The following PLD5 variants were observed in gnomAD, a reference collection of about 807,000 sequenced individuals.
The protein encoded by PLD5 is inactive phospholipase D5.
Under a neutral mutation model 61.1 loss-of-function variants are expected in PLD5, and 36 were observed. That is an observed-to-expected ratio of 0.59 (90% CI 0.45 to 0.78). The LOEUF (loss-of-function observed/expected upper bound fraction) is 0.78. Among genes scored for constraint, PLD5 ranks in the 30% least tolerant of loss-of-function variants. The pLI is 0.00. For synonymous variants in PLD5, 243 were observed against 242.8 expected, an observed-to-expected ratio of 1.00 and a Z score of -0.01; for missense variants, 515 against 644.4, an observed-to-expected ratio of 0.80 and a Z score of 2.17.
intron 5 of PLD5, among the ~76,000 whole-genome samples, chr1:242,145,202 G>C (rs778344301): frequency 7.9e-5 from 12 of 152,168 alleles, no homozygotes; most frequent in Non-Finnish European, 1.6e-4. Context: ...GTGGGTTGGT[G>C]ACTCTGATCT....
At chr1:242,186,169 T>G (rs200789094) in intron 5 of PLD5, among the ~76,000 whole-genome samples, 7 of 5,584 alleles carry the variant, frequency 1.3e-3, no homozygotes, top group Admixed American at 7.5e-3. Context: ...TGAAGAGAGA[T>G]ATATATATAT....
intron 1 of PLD5, among the ~76,000 whole-genome samples, chr1:242,407,700 T>C (rs1234062603): frequency 6.6e-6 from 1 of 151,888 alleles, no homozygotes; most frequent in Non-Finnish European, 1.5e-5. Flanking sequence ...CTGCTCAGCC[T>C]CCTGAGTAGC....
chr1:242,380,898 A>G (rs2149255276), intron 1 of PLD5, among the ~76,000 whole-genome samples: 1 of 152,322 alleles, frequency 6.6e-6, no homozygotes, highest in East Asian at 1.9e-4. Context: ...TCAAGAAACA[A>G]CAGATGCTGG....
intron 5 of PLD5, chr1:242,178,235 C>T (rs1160971634): frequency 1.3e-5 from 2 of 152,112 alleles, no homozygotes; most frequent in African/African-American, 4.8e-5. Context: ...CATTATAAAC[C>T]TTTAGCTATT....
At chr1:242,436,180 T>C (rs7534211) in intron 1 of PLD5, among the ~76,000 whole-genome samples, 44,835 of 152,110 alleles carry the variant, frequency 0.29, 8,915 homozygotes, top group African/African-American at 0.57. Context: ...GACACTCAAA[T>C]GCATATTAAA....
intron 1 of PLD5, among the ~76,000 whole-genome samples, chr1:242,522,743 G>T (rs751579583): frequency 1.3e-5 from 2 of 152,174 alleles, no homozygotes; most frequent in Non-Finnish European, 2.9e-5. Context: ...TCTGGAGAGG[G>T]CATGTTTAAT....
At chr1:242,152,367 T>C (rs542298434) in intron 5 of PLD5, among the ~76,000 whole-genome samples, 1 of 152,130 alleles carries the variant, frequency 6.6e-6, no homozygotes. Flanking sequence ...ATTTTTTTTC[T>C]TATTACACTT....
chr1:242,500,232 A>AT (rs1487752669), intron 1 of PLD5, among the ~76,000 whole-genome samples: 1 of 152,242 alleles, frequency 6.6e-6, no homozygotes, highest in Non-Finnish European at 1.5e-5. Flanking sequence ...TGCTAAAAAA[A>AT]CAAACTCATG....
intron 1 of PLD5, chr1:242,377,029 T>C (rs1195171424): frequency 6.2e-7 from 1 of 1,611,696 alleles, no homozygotes; most frequent in East Asian, 2.2e-5. Flanking sequence ...GCGCACACTT[T>C]GCACTTTCTG....
intron 1 of PLD5, among the ~76,000 whole-genome samples, chr1:242,384,835 T>C (rs1304543982): frequency 6.6e-6 from 1 of 152,202 alleles, no homozygotes; most frequent in Non-Finnish European, 1.5e-5. Context: ...TCTGGAAATC[T>C]ACCTTGAAGA....
At chr1:242,111,117 C>T (rs1367064691) in intron 7 of PLD5, among the ~76,000 whole-genome samples, 2 of 150,298 alleles carry the variant, frequency 1.3e-5, no homozygotes, top group Admixed American at 6.6e-5. Context: ...CGTGCAATGG[C>T]GTGATCTTGG....
In PLD5 at chr1:242,265,370, C is replaced by A. The variant is rs888827964; in HGVS notation, c.574G>T (p.Asp192Tyr). ...TTCAAGGCTTCTAATACCTTTGAATCAGCTGTTACATCACTCACTAGCTTG... is the reference window on the plus strand; with the variant it reads ...TTCAAGGCTTCTAATACCTTTGAATAAGCTGTTACATCACTCACTAGCTTG... ...EIKLVSDVTA[D>Y]SKVLEALKLK... The change falls in exon 4 of 10, where the codon GAT becomes TAT. Residue 192 changes from aspartate to tyrosine, a missense_variant. By Grantham distance (160) the Asp-to-Tyr change is radical. This residue lies in a region of PLD5 where 450 missense variants were observed against 598.1 expected (regional missense o/e 0.75). Transcript: ENST00000536534. The A allele has an allele frequency of 6.2e-7, 1 of 1,612,050 alleles. No individual in the cohort carries two copies. Among genetic ancestry groups the A allele is most frequent in the Non-Finnish European group, 8.5e-7 (1 of 1,179,518 alleles).
intron 1 of PLD5, among the ~76,000 whole-genome samples, chr1:242,469,532 A>G (rs973313726): frequency 3.3e-5 from 5 of 152,064 alleles, no homozygotes; most frequent in African/African-American, 9.7e-5. Context: ...TTTGTTTTCG[A>G]TAGGGTCTTG....
chr1:242,395,850 C>T (rs560714206), intron 1 of PLD5, among the ~76,000 whole-genome samples: 1 of 152,276 alleles, frequency 6.6e-6, no homozygotes, highest in South Asian at 2.1e-4. Flanking sequence ...GAGTTCAAGA[C>T]CAGCTTGGCC....
intron 5 of PLD5, among the ~76,000 whole-genome samples, chr1:242,158,226 T>C (rs974458333): frequency 6.6e-6 from 1 of 152,156 alleles, no homozygotes; most frequent in Non-Finnish European, 1.5e-5. Context: ...TTCAAGGCAT[T>C]AGATCTTAGT....
intron 1 of PLD5, among the ~76,000 whole-genome samples, chr1:242,405,522 T>A (rs1291317553): frequency 3.3e-5 from 5 of 152,144 alleles, no homozygotes; most frequent in Non-Finnish European, 7.4e-5. Flanking sequence ...GCTCACTCTC[T>A]GCTATTTCAT....
intron 5 of PLD5, among the ~76,000 whole-genome samples, chr1:242,148,003 C>A (rs1258376437): frequency 6.6e-6 from 1 of 152,100 alleles, no homozygotes; most frequent in Non-Finnish European, 1.5e-5. Context: ...TTTATTCCAA[C>A]AAACAGTACT....
the PLD5 span, among the ~76,000 whole-genome samples, chr1:242,530,174 G>A: frequency 8.5e-5 from 13 of 152,152 alleles, no homozygotes; most frequent in Admixed American, 1.3e-4. Context: ...GATTACAGGC[G>A]TGAGCCACCA....
At chr1:242,271,988 A>G (rs1176567859) in intron 3 of PLD5, among the ~76,000 whole-genome samples, 1 of 152,104 alleles carries the variant, frequency 6.6e-6, no homozygotes, top group Admixed American at 6.5e-5. Flanking sequence ...CATATGCAGT[A>G]TATCTGTGAT....
Sources: allele counts gnomAD v4.1 joint callset (sites outside exome capture counted in the v4.1 genomes callset), GRCh38; gene constraint gnomAD v4.1.1; regional missense constraint gnomAD v4.1.1; transcripts MANE v1.5; gene names NCBI Gene and HGNC (gene_info 2026-07-23, HGNC 2026-07-21).